The following MAGI2 variants were observed in gnomAD, a reference collection of about 807,000 sequenced individuals.
MAGI2 encodes the protein membrane associated guanylate kinase, WW and PDZ domain containing 2, also known as membrane-associated guanylate kinase, WW and PDZ domain-containing protein 2.
In MAGI2, 35 loss-of-function variants were observed where a neutral mutation model predicts 133.3. The observed-to-expected ratio is 0.26, with a 90% CI of 0.20 to 0.35. The LOEUF (loss-of-function observed/expected upper bound fraction) is 0.35, where lower values mean the gene tolerates loss of function less well. Among genes scored for constraint, MAGI2 ranks in the 10% least tolerant of loss-of-function variants. The pLI is 1.00. For synonymous variants in MAGI2, 729 were observed against 710.6 expected (o/e 1.03, Z -0.41); for missense variants, 1,636 against 1,863.4 (o/e 0.88, Z 2.25).
chr7:79,029,450 G>A lies in MAGI2; in HGVS notation c.302-22244C>T, dbSNP rs138563567. Among the ~76,000 whole-genome samples the A allele has an allele frequency of 4.1e-4, 63 of 152,134 alleles. No homozygotes were observed. In the East Asian group the frequency reaches 0.012, roughly 29 times the overall value. On this transcript the variant is annotated intron_variant, in intron 1 of 21. Coordinates refer to ENST00000354212, the MANE Select transcript of MAGI2 (RefSeq NM_012301.4). ...AATAAGACCCCCCCAAACCCAACCT[G>A]TAATCTTTATCAGTTTCATAGCTAT...
At chr7:78,714,720 A>G (rs1819536871) in intron 2 of MAGI2, among the ~76,000 whole-genome samples, 1 of 152,184 alleles carries the variant, frequency 6.6e-6, no homozygotes, top group South Asian at 2.1e-4. Context: ...CTAAAATAAG[A>G]AGCATATGAG....
chr7:78,757,745 CCTT>C (rs1433722986), intron 2 of MAGI2, among the ~76,000 whole-genome samples: 6 of 152,086 alleles, frequency 3.9e-5, no homozygotes, highest in African/African-American at 1.4e-4. Flanking sequence ...TTTGCATATT[CCTT>C]CTTATCTCCT....
chr7:78,737,593 T>G (rs1178218597), intron 2 of MAGI2, among the ~76,000 whole-genome samples: 1 of 152,160 alleles, frequency 6.6e-6, no homozygotes, highest in Non-Finnish European at 1.5e-5. Context: ...ATATAACATA[T>G]TGCAACAGAC....
At chr7:79,225,217 C>G (rs1830748202) in intron 1 of MAGI2, among the ~76,000 whole-genome samples, 1 of 152,128 alleles carries the variant, frequency 6.6e-6, no homozygotes, top group South Asian at 2.1e-4. Flanking sequence ...AATATAGAAC[C>G]CGTGCCTGAC....
At chr7:79,331,965 A>G (rs1191498799) in intron 1 of MAGI2, among the ~76,000 whole-genome samples, 1 of 152,134 alleles carries the variant, frequency 6.6e-6, no homozygotes, top group Non-Finnish European at 1.5e-5. Flanking sequence ...AAAGGAAAAA[A>G]AAATTCCTTT....
At chr7:78,104,718 C>G (rs1818512865) in intron 20 of MAGI2, among the ~76,000 whole-genome samples, 1 of 152,142 alleles carries the variant, frequency 6.6e-6, no homozygotes, top group Non-Finnish European at 1.5e-5. Context: ...TTAAAACCCT[C>G]CTCATGTTTC....
intron 1 of MAGI2, among the ~76,000 whole-genome samples, chr7:79,209,342 T>A (rs1340863361): frequency 6.6e-6 from 1 of 152,104 alleles, no homozygotes; most frequent in Non-Finnish European, 1.5e-5. Context: ...TGAAAGTGAT[T>A]ACACATAAAG....
chr7:78,772,450 G>C (rs1032115044), intron 2 of MAGI2, among the ~76,000 whole-genome samples: 2 of 152,180 alleles, frequency 1.3e-5, no homozygotes, highest in Non-Finnish European at 2.9e-5. Flanking sequence ...CTCAGCAAAA[G>C]AGGAAAATAG....
rs548540406 is a variant in MAGI2, at chr7:79,204,751, A to G, written c.302-197545T>C. On this transcript the variant is annotated intron_variant, in intron 1 of 21. Coordinates refer to ENST00000354212, the MANE Select transcript of MAGI2 (RefSeq NM_012301.4). The stretch of plus-strand genomic sequence containing the variant: ...AAGGAAAACACTAAGTGACCAGATG[A>G]ACAATTTAATAGAAAAATTGAAACA... Among the ~76,000 whole-genome samples the G allele has an allele frequency of 2.0e-5, 3 of 152,176 alleles. No individual in the cohort carries two copies. The East Asian group carries it at 5.8e-4, about 29-fold the overall frequency.
chr7:79,393,916 A>C (rs1210910687), intron 1 of MAGI2, among the ~76,000 whole-genome samples: 1 of 152,192 alleles, frequency 6.6e-6, no homozygotes, highest in Non-Finnish European at 1.5e-5. Context: ...AAACAGAGCC[A>C]GGTCTGGGTG....
chr7:79,162,719 A>T (rs1824491595), intron 1 of MAGI2, among the ~76,000 whole-genome samples: 1 of 152,108 alleles, frequency 6.6e-6, no homozygotes, highest in African/African-American at 2.4e-5. Flanking sequence ...AGTTGTGAAG[A>T]GAAATATATT....
intron 16 of MAGI2, among the ~76,000 whole-genome samples, chr7:78,139,236 A>G (rs1269057288): frequency 6.6e-6 from 1 of 152,196 alleles, no homozygotes; most frequent in Non-Finnish European, 1.5e-5. Flanking sequence ...GTTTTATTAC[A>G]AATGTTTTCT....
intron 2 of MAGI2, among the ~76,000 whole-genome samples, chr7:78,709,145 C>T (rs1282464560): frequency 6.6e-6 from 1 of 152,108 alleles, no homozygotes; most frequent in Admixed American, 6.6e-5. Context: ...TAAAATGCCT[C>T]ACTGCTTTCA....
intron 1 of MAGI2, among the ~76,000 whole-genome samples, chr7:79,321,192 A>G (rs147908389): frequency 1.5e-3 from 231 of 152,268 alleles, no homozygotes; most frequent in African/African-American, 5.1e-3. Flanking sequence ...AATAAGTGAA[A>G]ATAGATTTAC....
At chr7:79,141,399 A>G (rs1347204541) in intron 1 of MAGI2, among the ~76,000 whole-genome samples, 1 of 152,100 alleles carries the variant, frequency 6.6e-6, no homozygotes, top group East Asian at 1.9e-4. Context: ...TCATGCTGCC[A>G]TTTCAACTTG....
In MAGI2 at chr7:79,020,882, A is replaced by G. The variant is rs1337420679; in HGVS notation, c.302-13676T>C. Among the ~76,000 whole-genome samples the G allele has an allele frequency of 8.5e-5, 13 of 152,304 alleles. No individual in the cohort carries two copies. The South Asian group carries it at 2.3e-3, about 27-fold the overall frequency. On this transcript the variant is annotated intron_variant, in intron 1 of 21. Coordinates refer to ENST00000354212, the MANE Select transcript of MAGI2 (RefSeq NM_012301.4). ...TCTTCACAGCAGCTCCTTCCATCAC[A>G]GGCTCAGAGGCCTAGGAGGAAAAAT...
intron 3 of MAGI2, among the ~76,000 whole-genome samples, chr7:78,535,971 G>T (rs1305052396): frequency 6.7e-6 from 1 of 150,104 alleles, no homozygotes; most frequent in Non-Finnish European, 1.5e-5. Flanking sequence ...GGACCAATCA[G>T]CACTCCCTAC....
chr7:78,762,109 T>G (rs1824568674), intron 2 of MAGI2, among the ~76,000 whole-genome samples: 1 of 107,320 alleles, frequency 9.3e-6, no homozygotes, highest in Admixed American at 9.5e-5. Context: ...AAAATTAACT[T>G]TTGTTTTCAG....
chr7:78,102,335 T>C (rs1818280341), intron 20 of MAGI2, among the ~76,000 whole-genome samples: 1 of 152,036 alleles, frequency 6.6e-6, no homozygotes, highest in Non-Finnish European at 1.5e-5. Context: ...GCTAAGAGAG[T>C]AGATCTTACA....
Sources: gnomAD v4.1 joint callset for allele counts (sites outside exome capture counted in the v4.1 genomes callset) on GRCh38, gnomAD v4.1.1 for gene constraint, MANE v1.5 for transcripts, NCBI Gene and HGNC (gene_info 2026-07-23, HGNC 2026-07-21) for gene names.